The following SPAG4 variants were observed in gnomAD, a reference collection of about 807,000 sequenced individuals.
SPAG4 encodes the protein sperm associated antigen 4, also known as sperm-associated antigen 4 protein.
Under a neutral mutation model 53.9 loss-of-function variants are expected in SPAG4, and 54 were observed. The ratio of observed to expected loss-of-function variants is 1.00; its 90% CI spans 0.80 to 1.26. The LOEUF is 1.26. Ranked by LOEUF, SPAG4 falls within the 50% of genes most tolerant of loss-of-function variation. SPAG4 has a pLI of 0.00. For missense variants in SPAG4, 548 were observed against 568.6 expected, an observed-to-expected ratio of 0.96 and a Z score of 0.37; for synonymous variants, 246 against 237.4, an observed-to-expected ratio of 1.04 and a Z score of -0.33.
intron 10 of SPAG4, among the ~76,000 whole-genome samples, 192 bp from the exon 11 acceptor site, chr20:35,620,488 AAAAT>A (rs1193171546): frequency 3.3e-5 from 5 of 152,270 alleles, no homozygotes; most frequent in Middle Eastern, 3.4e-3. Flanking sequence ...ACTCCGTCTC[AAAAT>A]AAATAAATAA....
chr20:35,619,121 CA>C, intron 8 of SPAG4, 73 bp from the exon 9 acceptor site: 5 of 1,125,126 alleles, frequency 4.4e-6, no homozygotes, highest in Non-Finnish European at 6.4e-6. Flanking sequence ...CACCCGCCCC[CA>C]GCCCCCGCGC....
intron 2 of SPAG4, 35 bp downstream of exon 2, chr20:35,617,275 C>T (rs1568898393): frequency 3.5e-6 from 5 of 1,448,628 alleles, no homozygotes; most frequent in Non-Finnish European, 4.8e-6. Flanking sequence ...CCCTCTGACC[C>T]TCGGGTTCCC....
chr20:35,616,388 A>G (rs2031380921), intron 1 of SPAG4, 81 bp downstream of exon 1: 1 of 1,420,472 alleles, frequency 7.0e-7, no homozygotes, highest in African/African-American at 1.5e-5. Context: ...CGGGGCTAAG[A>G]TGATATCTGG....
intron 5 of SPAG4, 51 bp from the exon 6 acceptor site, chr20:35,618,399 C>A: frequency 6.2e-7 from 1 of 1,611,748 alleles, no homozygotes; most frequent in Non-Finnish European, 8.5e-7. Flanking sequence ...GAGGTAGGAG[C>A]AAGGACGACG....
In SPAG4 at chr20:35,616,160, C is replaced by G. The variant is rs1238119258; in HGVS notation, c.157C>G (p.Arg53Gly). The change falls in exon 1 of 12, where the codon CGG becomes GGG. Residue 53 changes from arginine (R) to glycine (G), a missense_variant. Transcript: ENST00000374273. ...TGGGGAGCCCGAGGGCAGAAGAGCC[C>G]GGGGCCCGAGCTGCGGTGAGCCCGC... Reference protein sequence around the residue: ...GPGEPEGRRARGPSCGEPALS... With the variant: ...GPGEPEGRRAGGPSCGEPALS... 6.3e-7 allele frequency: 1 copy of G among 1,598,782 alleles called. No homozygotes were observed. The highest frequency in any genetic ancestry group is 8.5e-7 in the Non-Finnish European group (1 of 1,173,692).
intron 7 of SPAG4, 46 bp from the exon 8 acceptor site, chr20:35,618,877 A>G: frequency 6.3e-7 from 1 of 1,577,288 alleles, no homozygotes; most frequent in Non-Finnish European, 8.7e-7. Context: ...CTGTAAAAGC[A>G]GCCCGCAAGC....
chr20:35,620,487 CAAAATAAA>C (rs893414848), intron 10 of SPAG4, among the ~76,000 whole-genome samples, 189 bp from the exon 11 acceptor site: 12 of 152,130 alleles, frequency 7.9e-5, no homozygotes, highest in African/African-American at 2.7e-4. Context: ...CACTCCGTCT[CAAAATAAA>C]TAAATAAATA....
intron 9 of SPAG4, 71 bp from the exon 10 acceptor site, chr20:35,619,508 G>A: frequency 6.3e-7 from 1 of 1,578,064 alleles, no homozygotes; most frequent in Non-Finnish European, 8.6e-7. Context: ...GGGTCGAGCT[G>A]AGGCCCGGGC....
intron 1 of SPAG4, 115 bp downstream of exon 1, chr20:35,616,422 G>A (rs941912118): frequency 1.3e-5 from 18 of 1,389,572 alleles, no homozygotes; most frequent in Non-Finnish European, 1.7e-5. Flanking sequence ...GGTGGGTCCT[G>A]TAGGGTAAAG....
At chr20:35,619,060 C>T in intron 8 of SPAG4, 62 bp downstream of exon 8, 1 of 1,501,300 alleles carries the variant, frequency 6.7e-7, no homozygotes, top group Non-Finnish European at 9.3e-7. Context: ...GACACTGACA[C>T]AGACAGACCC....
rs762362449 is a variant in SPAG4, at chr20:35,620,972, G to T, written c.1264G>T (p.Gly422Cys). Residue 422 changes from glycine to cysteine, a missense_variant, in exon 12 of 12, where the codon GGT (glycine) becomes TGT (cysteine). Gly to Cys is a radical substitution (Grantham distance 159). Transcript: ENST00000374273. Reference protein sequence around the residue: ...FTCLYRVRAHGVRTSEGAEGS... With the variant: ...FTCLYRVRAHCVRTSEGAEGS... ...GTGCTTGTATCGAGTCCGTGCCCAC[G>T]GTGTGCGAACCTCAGAGGGGGCAGA... 3 of 1,614,056 alleles carry T rather than the reference G, an allele frequency of 1.9e-6. No individual in the cohort carries two copies. The highest frequency in any genetic ancestry group is 2.5e-6 in the Non-Finnish European group (3 of 1,180,042).
chr20:35,618,751 A>G (rs2031474551), intron 7 of SPAG4, 31 bp downstream of exon 7: 1 of 1,504,398 alleles, frequency 6.6e-7, no homozygotes, highest in Non-Finnish European at 9.1e-7. Context: ...GAAACCCCTG[A>G]TGGATCCCTG....
chr20:35,615,851 A>T lies in SPAG4; in HGVS notation c.-153A>T, dbSNP rs1258123764. The stretch of plus-strand genomic sequence containing the variant: ...TCTGTGACGTCAGCAGCCGGCCGGG[A>T]CACAGCGGGAGGGCAGGTGCGGCCG... On this transcript the variant is annotated 5_prime_UTR_variant, in exon 1 of 12. Transcript: ENST00000374273. 3.1e-6 allele frequency: 2 copies of T among 644,746 alleles called. No homozygotes were observed. The highest frequency in any genetic ancestry group is 5.0e-6 in the Non-Finnish European group (2 of 396,454). The allele number at this position is 644,746 out of a possible 1,614,324, so 39.9% of individuals were successfully genotyped here.
In SPAG4 at chr20:35,616,234, G is replaced by A. The variant is rs1283736745; in HGVS notation, c.231G>A (p.Gln77=). ...GAACCACATGGGCAGGAAGCTCTCAGCAGAAGCCAGCGCCTCGGAGCCACA... is the reference window on the plus strand; with the variant it reads ...GAACCACATGGGCAGGAAGCTCTCAACAGAAGCCAGCGCCTCGGAGCCACA... ...PGGTTWAGSS[Q]QKPAPRSHNW... The change falls in exon 1 of 12, where the codon CAG becomes CAA. Residue 77 remains glutamine, a synonymous_variant. Coordinates refer to ENST00000374273, the MANE Select transcript of SPAG4 (RefSeq NM_003116.3). 5.2e-6 allele frequency: 8 copies of A among 1,542,106 alleles called. No individual in the cohort carries two copies. The highest frequency in any genetic ancestry group is 1.4e-5 in the African/African-American group (1 of 70,742).
Position 35,616,287 on chromosome 20 carries a change from C to A in SPAG4, c.284C>A (p.Thr95Asn), listed in dbSNP as rs1160376763. 2.0e-6 allele frequency: 3 copies of A among 1,483,150 alleles called. No individual in the cohort carries two copies. Among genetic ancestry groups the A allele is most frequent in the Non-Finnish European group, 2.7e-6 (3 of 1,120,930 alleles). The allele number at this position is 1,483,150 out of a possible 1,614,324, so 91.9% of individuals were successfully genotyped here. A position where few individuals can be genotyped will look rare whatever the true frequency, so the allele number is the denominator to read the frequency against. ...HNWQTACGAA[T>N]VRGGASEPTG... is the part of the protein sequence containing the mutation. Reference sequence around the variant, plus strand: ...TGGCAGACAGCCTGTGGCGCGGCAACCGTGAGGGGCGGGGCCTCGGGTGCG... The same window carrying A: ...TGGCAGACAGCCTGTGGCGCGGCAAACGTGAGGGGCGGGGCCTCGGGTGCG... The change falls in exon 1 of 12, where the codon ACC becomes AAC. Residue 95 changes from threonine to asparagine, a missense_variant. Thr to Asn is a moderately conservative substitution (Grantham distance 65, BLOSUM62 0). Transcript: ENST00000374273.
intron 6 of SPAG4, 35 bp downstream of exon 6, chr20:35,618,510 G>T: frequency 6.2e-7 from 1 of 1,612,648 alleles, no homozygotes; most frequent in Non-Finnish European, 8.5e-7. Flanking sequence ...AAATTGGGGG[G>T]CTCAAAGTTG....
rs1474572248 is a variant in SPAG4, at chr20:35,619,250, C to G, written c.849C>G (p.Ala283=). 6.2e-7 allele frequency: 1 copy of G among 1,613,980 alleles called. No homozygotes were observed. Among genetic ancestry groups the G allele is most frequent in the Non-Finnish European group, 8.5e-7 (1 of 1,180,016 alleles). Residue 283 remains alanine, a synonymous_variant, in exon 9 of 12, where the codon GCC becomes GCG. Coordinates refer to ENST00000374273, the MANE Select transcript of SPAG4 (RefSeq NM_003116.3). ...TSHDYADRNT[A]YFWNRFSFWN... is the part of the protein sequence containing the mutation. ...ACGATTACGCAGACAGGAACACTGC[C>G]TACTTCTGGAATCGCTTCAGCTTCT...
chr20:35,616,389 T>C, intron 1 of SPAG4, 82 bp downstream of exon 1: 1 of 1,418,678 alleles, frequency 7.0e-7, no homozygotes, highest in South Asian at 1.5e-5. Flanking sequence ...GGGGCTAAGA[T>C]GATATCTGGG....
chr20:35,618,517 G>A, intron 6 of SPAG4, 42 bp downstream of exon 6: 1 of 1,612,862 alleles, frequency 6.2e-7, no homozygotes, highest in South Asian at 1.1e-5. Context: ...GGGGCTCAAA[G>A]TTGCTTCTTT....
Sources: allele counts gnomAD v4.1 joint callset (sites outside exome capture counted in the v4.1 genomes callset), GRCh38; gene constraint gnomAD v4.1.1; transcripts MANE v1.5; gene names NCBI Gene and HGNC (gene_info 2026-07-23, HGNC 2026-07-21).